The following CDH12 variants were observed in gnomAD, a reference collection of about 807,000 sequenced individuals.
CDH12 encodes cadherin 12.
CDH12 carries 41 observed loss-of-function variants against 74.1 expected under a neutral mutation model. The observed-to-expected ratio is 0.55, with a 90% confidence interval of 0.43 to 0.72. CDH12 has a LOEUF of 0.72. CDH12 is among the 30% of genes least tolerant of loss of function. The pLI is 0.00. For missense variants in CDH12, 945 were observed against 977.2 expected (o/e 0.97, Z 0.44); for synonymous variants, 399 against 355.0 (o/e 1.12, Z -1.39).
At chr5:21,768,836 A>C (rs1173602842) in intron 11 of CDH12, among the ~76,000 whole-genome samples, 1 of 152,060 alleles carries the variant, frequency 6.6e-6, no homozygotes, top group Non-Finnish European at 1.5e-5. Context: ...AGCCAAAATC[A>C]CTGACTATTG....
intron 5 of CDH12, among the ~76,000 whole-genome samples, chr5:22,046,426 A>ATTTATTTT: frequency 7.8e-6 from 1 of 127,472 alleles, no homozygotes; most frequent in African/African-American, 3.8e-5. Context: ...TGGTCATTTA[A>ATTTATTTT]TTTCTTTTTT....
chr5:22,812,872 A>G (rs1253662569), intron 1 of CDH12, among the ~76,000 whole-genome samples: 2 of 152,150 alleles, frequency 1.3e-5, no homozygotes, highest in Admixed American at 6.5e-5. Flanking sequence ...AATACAGCAT[A>G]ATGACCACTG....
At chr5:21,942,490 C>T (rs975669112) in intron 6 of CDH12, among the ~76,000 whole-genome samples, 1 of 151,092 alleles carries the variant, frequency 6.6e-6, no homozygotes, top group Non-Finnish European at 1.5e-5. Context: ...TAACTAGTTA[C>T]ATAACATTAT....
intron 5 of CDH12, among the ~76,000 whole-genome samples, chr5:22,077,675 T>C (rs182082204): frequency 8.7e-4 from 132 of 152,196 alleles, no homozygotes; most frequent in Non-Finnish European, 1.5e-3. Context: ...GTTATACTGT[T>C]CTAGACATGG....
At chr5:22,475,243 G>A (rs1007945123) in intron 2 of CDH12, among the ~76,000 whole-genome samples, 4 of 151,808 alleles carry the variant, frequency 2.6e-5, no homozygotes, top group Admixed American at 2.0e-4. Flanking sequence ...TAGAATGATT[G>A]TAAATGTCTT....
intron 1 of CDH12, among the ~76,000 whole-genome samples, chr5:22,740,176 G>A (rs1000283055): frequency 2.3e-4 from 35 of 151,984 alleles, no homozygotes; most frequent in Admixed American, 8.5e-4. Context: ...GTAGTCTTAC[G>A]TATTTGGAAA....
chr5:22,318,348 C>T (rs1451447772), intron 3 of CDH12, among the ~76,000 whole-genome samples: 1 of 152,148 alleles, frequency 6.6e-6, no homozygotes, highest in Non-Finnish European at 1.5e-5. Context: ...CTTTTTGCTT[C>T]CTGCAAAGAT....
At chr5:22,391,146 T>C (rs766930547) in intron 3 of CDH12, among the ~76,000 whole-genome samples, 38 of 152,114 alleles carry the variant, frequency 2.5e-4, no homozygotes, top group Non-Finnish European at 4.3e-4. Context: ...TGTGATAGAG[T>C]TATATACTAC....
rs1747232907 is a variant in CDH12, at chr5:22,147,043, T to C, written c.-187+65455A>G. On this transcript the variant is annotated intron_variant, in intron 4 of 14. Coordinates refer to ENST00000382254, the MANE Select transcript of CDH12 (RefSeq NM_004061.5). ...CTTTGTGATATTACTTCCTGAAGTA[T>C]GTTCTTATGGAAATTTAACTTTGTT... Among the ~76,000 whole-genome samples the C allele has an allele frequency of 2.0e-5, 3 of 152,332 alleles. No individual in the cohort carries two copies. In the East Asian group the frequency reaches 5.8e-4, roughly 29 times the overall value.
chr5:22,764,255 A>AT (rs1168225649), intron 1 of CDH12, among the ~76,000 whole-genome samples: 1 of 151,856 alleles, frequency 6.6e-6, no homozygotes, highest in Non-Finnish European at 1.5e-5. Flanking sequence ...TATTTGAGAT[A>AT]TTTTATGCCT....
At position 22,221,218 on chromosome 5, in the gene CDH12, T is replaced by A. The variant is rs1366169683; in HGVS notation, c.-332-8575A>T. Among the ~76,000 whole-genome samples, 3 of 152,034 alleles carry A rather than the reference T, an allele frequency of 2.0e-5. No homozygotes were observed. The East Asian group carries it at 5.8e-4, about 29-fold the overall frequency. On this transcript the variant is annotated intron_variant, in intron 3 of 14. Transcript: ENST00000382254. The stretch of plus-strand genomic sequence containing the variant: ...AGCTTTTAATCTGCTTATTCAAAAC[T>A]TTATTACAAAATTTCAAATACGAAA...
intron 6 of CDH12, among the ~76,000 whole-genome samples, chr5:21,934,728 C>T (rs1000760257): frequency 4.6e-5 from 7 of 151,842 alleles, no homozygotes; most frequent in Admixed American, 4.6e-4. Context: ...AAGGCTAGAG[C>T]CTTGCCCTCG....
chr5:22,818,775 G>A (rs546626091), intron 1 of CDH12, among the ~76,000 whole-genome samples: 201 of 152,178 alleles, frequency 1.3e-3, no homozygotes, highest in African/African-American at 4.6e-3. Flanking sequence ...AAGTACCTTG[G>A]GGTTGTTTCT....
chr5:22,366,544 C>T (rs1443312188), intron 3 of CDH12, among the ~76,000 whole-genome samples: 3 of 151,838 alleles, frequency 2.0e-5, no homozygotes, highest in African/African-American at 7.3e-5. Context: ...GGAATTTCAC[C>T]CATAATGAAT....
At position 21,970,733 on chromosome 5, in the gene CDH12, G is replaced by A. The variant is rs183164213; in HGVS notation, c.526+4358C>T. ...TGCACACCTGTAATCCCAGTTACTC[G>A]AGAAGCTGAGGCAGGAGAATCACTT... is the stretch of plus-strand genomic sequence containing the variant. On this transcript the variant is annotated intron_variant, in intron 6 of 14. Transcript: ENST00000382254. 9.9e-3 allele frequency among the ~76,000 whole-genome samples: 1,477 copies of A among 148,482 alleles called. 21 individuals carry two copies. Among genetic ancestry groups the A allele is most frequent in the African/African-American group, 0.033 (1,341 of 40,290 alleles).
intron 6 of CDH12, among the ~76,000 whole-genome samples, chr5:21,926,063 C>T (rs533104635): frequency 3.9e-5 from 6 of 152,038 alleles, no homozygotes; most frequent in African/African-American, 7.2e-5. Flanking sequence ...TCTTTCATCT[C>T]ACTTGAAAGT....
intron 2 of CDH12, among the ~76,000 whole-genome samples, chr5:22,478,231 A>G (rs891232068): frequency 1.2e-4 from 19 of 152,096 alleles, no homozygotes; most frequent in African/African-American, 3.9e-4. Flanking sequence ...ATCCTGGCTA[A>G]CACCGTGAAA....
chr5:22,525,807 T>G (rs532777277), intron 1 of CDH12, among the ~76,000 whole-genome samples: 1 of 152,116 alleles, frequency 6.6e-6, no homozygotes, highest in Admixed American at 6.5e-5. Context: ...AACCTGGTGT[T>G]AAAAATTTAC....
intron 1 of CDH12, among the ~76,000 whole-genome samples, chr5:22,625,199 T>C (rs1441763540): frequency 3.3e-5 from 5 of 152,050 alleles, no homozygotes; most frequent in Admixed American, 6.6e-5. Flanking sequence ...TTAGGAGATA[T>C]ACCTAATATA....
Sources: allele counts gnomAD v4.1 joint callset (sites outside exome capture counted in the v4.1 genomes callset), GRCh38; gene constraint gnomAD v4.1.1; transcripts MANE v1.5; gene names NCBI Gene and HGNC (gene_info 2026-07-23, HGNC 2026-07-21).